PRKD1: variants seen among roughly 807,000 people sequenced by gnomAD.
PRKD1 encodes the protein serine/threonine-protein kinase D1.
Under a neutral mutation model 95.9 loss-of-function variants are expected in PRKD1, and 63 were observed. The ratio of observed to expected loss-of-function variants is 0.66; its 90% CI spans 0.54 to 0.81. The LOEUF (loss-of-function observed/expected upper bound fraction) is 0.81, where lower values mean the gene tolerates loss of function less well. PRKD1 is among the 30% of genes least tolerant of loss of function. The pLI, the probability that PRKD1 is intolerant of heterozygous loss-of-function variation, is 0.00. For missense variants in PRKD1, 1,048 were observed against 1,165.3 expected (o/e 0.90, Z 1.47); for synonymous variants, 425 against 423.1 (o/e 1.00, Z -0.05).
chr14:29,643,116 C>G (rs1207452813), intron 4 of PRKD1, among the ~76,000 whole-genome samples: 2 of 151,926 alleles, frequency 1.3e-5, no homozygotes, highest in African/African-American at 4.8e-5. Flanking sequence ...GCCATATGTT[C>G]TATGAATTGG....
At chr14:29,713,316 C>A (rs1885424717) in intron 2 of PRKD1, among the ~76,000 whole-genome samples, 1 of 152,092 alleles carries the variant, frequency 6.6e-6, no homozygotes, top group African/African-American at 2.4e-5. Flanking sequence ...CATTTTTAAA[C>A]CTGCATTCAG....
Position 29,640,959 on chromosome 14 carries a change from A to G in PRKD1, c.697-2055T>C, listed in dbSNP as rs570067081. Among the ~76,000 whole-genome samples, 58 of 152,346 alleles carry G rather than the reference A, an allele frequency of 3.8e-4. No individual in the cohort carries two copies. The South Asian group carries it at 4.8e-3, about 13-fold the overall frequency. On this transcript the variant is annotated intron_variant, in intron 4 of 17. Transcript: ENST00000331968. ...TCATTAGAAAAGCAAGAGGGAATCT[A>G]GTAAACTGAATATTTTCTTTTCATC...
intron 1 of PRKD1, among the ~76,000 whole-genome samples, chr14:29,761,264 C>T (rs1887966429): frequency 6.6e-6 from 1 of 152,138 alleles, no homozygotes; most frequent in Non-Finnish European, 1.5e-5. Flanking sequence ...CAATGAACAT[C>T]AACAATTACT....
intron 1 of PRKD1, among the ~76,000 whole-genome samples, chr14:29,834,948 A>G (rs1891553963): frequency 6.6e-6 from 1 of 152,170 alleles, no homozygotes. Flanking sequence ...ACCTCCTATT[A>G]CACAGCTAAA....
At chr14:29,790,574 C>G (rs1325604074) in intron 1 of PRKD1, among the ~76,000 whole-genome samples, 2 of 152,102 alleles carry the variant, frequency 1.3e-5, no homozygotes, top group African/African-American at 4.8e-5. Flanking sequence ...TTCCCAATGT[C>G]TATGCTAGTT....
intron 2 of PRKD1, among the ~76,000 whole-genome samples, chr14:29,700,975 TGCGC>T (rs750081427): frequency 1.3e-4 from 8 of 62,922 alleles, no homozygotes; most frequent in East Asian, 7.7e-4. Context: ...CGCGTGCGCA[TGCGC>T]GCGCGCGCGC....
Position 29,927,507 on chromosome 14 carries a change from G to T in PRKD1, c.6C>A (p.Ser2Arg), listed in dbSNP as rs1238193299. 2.2e-5 allele frequency: 26 copies of T among 1,195,838 alleles called. No individual in the cohort carries two copies. The highest frequency in any genetic ancestry group is 2.6e-5 in the Non-Finnish European group (25 of 967,100). The allele number at this position is 1,195,838 out of a possible 1,614,324, so 74.1% of individuals were successfully genotyped here. The stretch of plus-strand genomic sequence containing the variant: ...TGGGCGGCCGCAGGACCGGAGGGGC[G>T]CTCATCGCTCGGCGGGGCGCAGGGC... The part of the protein sequence containing the change: M[S>R]APPVLRPPSP... Residue 2 changes from serine to arginine, a missense_variant, in exon 1 of 18, where the codon AGC becomes AGA. Coordinates refer to ENST00000331968, the MANE Select transcript of PRKD1 (RefSeq NM_002742.3).
chr14:29,637,652 A>G (rs1002855926), intron 6 of PRKD1, among the ~76,000 whole-genome samples: 28 of 152,304 alleles, frequency 1.8e-4, no homozygotes, highest in African/African-American at 6.7e-4. Flanking sequence ...CAGCTAATTC[A>G]TGAATCTCCA....
intron 1 of PRKD1, among the ~76,000 whole-genome samples, chr14:29,904,938 A>G (rs964554993): frequency 6.6e-5 from 10 of 152,234 alleles, no homozygotes; most frequent in Non-Finnish European, 1.0e-4. Context: ...AAAAGCCAAT[A>G]AATCAATAAT....
chr14:29,897,248 A>T (rs925516432), intron 1 of PRKD1, among the ~76,000 whole-genome samples: 2 of 152,188 alleles, frequency 1.3e-5, no homozygotes, highest in Non-Finnish European at 2.9e-5. Flanking sequence ...TTATATAGAT[A>T]TAACAAATTT....
rs752259131 is a variant in PRKD1, at chr14:29,599,763, T to C, written c.1960A>G (p.Arg654Gly). Reference protein sequence around the residue: ...NLECMFETPERVFVVMEKLHG... With the variant: ...NLECMFETPEGVFVVMEKLHG... ...AGTTTTTCCATAACAACAAACACTC[T>C]TTCAGGCGTCTCAAACATACACTCC... Residue 654 changes from arginine to glycine, a missense_variant, in exon 14 of 18, where the codon AGA (arginine) becomes GGA (glycine). Physicochemically the swap from Arg to Gly is moderately radical, Grantham distance 125. Transcript: ENST00000331968. 1.9e-6 allele frequency: 3 copies of C among 1,613,316 alleles called. No homozygotes were observed. In the Admixed American group the frequency reaches 5.0e-5, roughly 27 times the overall value.
chr14:29,647,787 G>T (rs939002854), intron 4 of PRKD1, among the ~76,000 whole-genome samples: 1 of 152,142 alleles, frequency 6.6e-6, no homozygotes, highest in African/African-American at 2.4e-5. Flanking sequence ...ACCAAATAGG[G>T]GTGCAGGAGA....
chr14:29,840,201 C>T (rs1891778747), intron 1 of PRKD1, among the ~76,000 whole-genome samples: 1 of 152,130 alleles, frequency 6.6e-6, no homozygotes. Context: ...TTGGAAATTT[C>T]TTCTGCCAGA....
chr14:29,776,273 C>A (rs1051091331), intron 1 of PRKD1, among the ~76,000 whole-genome samples: 13 of 152,208 alleles, frequency 8.5e-5, no homozygotes, highest in African/African-American at 3.1e-4. Context: ...TCCTCACCAG[C>A]AACTGAACAA....
At chr14:29,667,981 T>A (rs1566526503) in intron 2 of PRKD1, among the ~76,000 whole-genome samples, 1 of 152,100 alleles carries the variant, frequency 6.6e-6, no homozygotes, top group Non-Finnish European at 1.5e-5. Flanking sequence ...TCATAAGCAG[T>A]TAGCACCCTT....
chr14:29,598,887 G>A (rs1038556426), intron 15 of PRKD1, 140 bp downstream of exon 15: 1 of 762,020 alleles, frequency 1.3e-6, no homozygotes, highest in African/African-American at 1.8e-5. Flanking sequence ...TAGTCCCAAA[G>A]TAACAAATGA....
intron 1 of PRKD1, among the ~76,000 whole-genome samples, chr14:29,852,130 C>T (rs1272310263): frequency 6.6e-6 from 1 of 152,082 alleles, no homozygotes; most frequent in East Asian, 1.9e-4. Flanking sequence ...CTAGTGGGTA[C>T]TATGTTCACT....
intron 4 of PRKD1, among the ~76,000 whole-genome samples, chr14:29,643,918 G>A (rs992874744): frequency 6.6e-6 from 1 of 152,102 alleles, no homozygotes; most frequent in Non-Finnish European, 1.5e-5. Flanking sequence ...TGGATTTGGG[G>A]AGACAAACTC....
chr14:29,676,183 G>GTTTTTTTTTTTTTTTTTTTTTTTTTTT (rs34953735), intron 2 of PRKD1, among the ~76,000 whole-genome samples: 2 of 67,446 alleles, frequency 3.0e-5, no homozygotes, highest in African/African-American at 7.2e-5. Flanking sequence ...TTACGTTTTT[G>GTTTTTTTTTTTTTTTTTTTTTTTTTTT]TTTTTTTTTT....
Sources: gnomAD v4.1 joint callset for allele counts (sites outside exome capture counted in the v4.1 genomes callset) on GRCh38, gnomAD v4.1.1 for gene constraint, MANE v1.5 for transcripts, NCBI Gene and HGNC (gene_info 2026-07-23, HGNC 2026-07-21) for gene names.